The following UBL3 variants were observed in gnomAD, a reference collection of about 807,000 sequenced individuals.
UBL3 encodes ubiquitin-like protein 3.
Under a neutral mutation model 18.4 loss-of-function variants are expected in UBL3, and 6 were observed. The observed-to-expected ratio is 0.33, with a 90% CI of 0.18 to 0.64. The LOEUF (loss-of-function observed/expected upper bound fraction) is 0.64, where lower values mean the gene tolerates loss of function less well. Ranked by LOEUF, UBL3 falls within the 30% of genes least tolerant of loss-of-function variation. The pLI, the probability that UBL3 is intolerant of heterozygous loss-of-function variation, is 0.76. For missense variants in UBL3, 109 were observed against 142.9 expected (o/e 0.76, Z 1.21); for synonymous variants, 49 against 46.6 (o/e 1.05, Z -0.21).
At chr13:29,843,509 A>C (rs1461031384) in intron 1 of UBL3, among the ~76,000 whole-genome samples, 2 of 152,200 alleles carry the variant, frequency 1.3e-5, no homozygotes, top group African/African-American at 2.4e-5. Context: ...CTTATCTTAC[A>C]AAGATGAGAT....
chr13:29,831,716 A>G (rs1342550318), intron 1 of UBL3, among the ~76,000 whole-genome samples: 3 of 135,052 alleles, frequency 2.2e-5, no homozygotes, highest in Admixed American at 7.9e-5. Flanking sequence ...TAGAAAAAAA[A>G]AGAACGCTGA....
At chr13:29,822,974 G>T (rs1239659606) in intron 1 of UBL3, among the ~76,000 whole-genome samples, 4 of 151,980 alleles carry the variant, frequency 2.6e-5, no homozygotes, top group African/African-American at 9.7e-5. Context: ...GGAGCGTAGA[G>T]AGAAAAAACA....
intron 1 of UBL3, among the ~76,000 whole-genome samples, chr13:29,804,446 A>G (rs1222474758): frequency 6.6e-6 from 1 of 152,156 alleles, no homozygotes; most frequent in Non-Finnish European, 1.5e-5. Context: ...TAAGCCCAAA[A>G]CTAGCCGAAG....
chr13:29,793,399 C>A (rs1470256843), intron 1 of UBL3, among the ~76,000 whole-genome samples: 1 of 151,930 alleles, frequency 6.6e-6, no homozygotes, highest in Non-Finnish European at 1.5e-5. Context: ...ATATTTTTTG[C>A]AAATTTAGAA....
At chr13:29,778,819 T>C (rs563343497) in intron 1 of UBL3, among the ~76,000 whole-genome samples, 27 of 152,360 alleles carry the variant, frequency 1.8e-4, no homozygotes, top group African/African-American at 6.0e-4. Context: ...TACACATTTC[T>C]GGATTCAATG....
At chr13:29,783,835 T>C (rs1262833550) in intron 1 of UBL3, among the ~76,000 whole-genome samples, 1 of 152,140 alleles carries the variant, frequency 6.6e-6, no homozygotes, top group Admixed American at 6.5e-5. Context: ...ATAAGACTTA[T>C]TTACAGCTTA....
intron 2 of UBL3, among the ~76,000 whole-genome samples, chr13:29,772,870 G>A (rs534949078): frequency 6.6e-6 from 1 of 152,058 alleles, no homozygotes; most frequent in East Asian, 1.9e-4. Context: ...AAGACAAACT[G>A]GTAGGCAGAA....
intron 1 of UBL3, among the ~76,000 whole-genome samples, chr13:29,797,167 T>C (rs17073893): frequency 0.017 from 2,624 of 152,292 alleles, 86 homozygotes; most frequent in African/African-American, 0.059. Context: ...TATTTTAGTA[T>C]CAGTTTTCTG....
intron 4 of UBL3, 140 bp downstream of exon 4, chr13:29,767,478 A>T: frequency 1.7e-6 from 2 of 1,178,626 alleles, no homozygotes; most frequent in South Asian, 1.5e-5. Flanking sequence ...TGTTTCAAAA[A>T]TGTCTGGTTA....
chr13:29,778,159 T>G (rs1321434855), intron 1 of UBL3, among the ~76,000 whole-genome samples: 1 of 152,156 alleles, frequency 6.6e-6, no homozygotes, highest in Non-Finnish European at 1.5e-5. Flanking sequence ...CATATATTTT[T>G]TAGGGGGAGT....
intron 1 of UBL3, 100 bp downstream of exon 1, chr13:29,849,412 A>G: frequency 3.2e-6 from 5 of 1,550,098 alleles, no homozygotes; most frequent in Non-Finnish European, 4.4e-6. Flanking sequence ...TGGCTTTTCG[A>G]CAGTCCCCAG....
At chr13:29,780,781 A>T (rs1441271412) in intron 1 of UBL3, among the ~76,000 whole-genome samples, 1 of 152,144 alleles carries the variant, frequency 6.6e-6, no homozygotes, top group Non-Finnish European at 1.5e-5. Flanking sequence ...ATTCCATATA[A>T]AGAGATCAGG....
chr13:29,820,461 C>G (rs1171624152), intron 1 of UBL3, among the ~76,000 whole-genome samples: 1 of 152,146 alleles, frequency 6.6e-6, no homozygotes. Context: ...CAGGAGTGAG[C>G]CACCATGCCT....
chr13:29,833,942 C>A (rs1878851030), intron 1 of UBL3, among the ~76,000 whole-genome samples: 2 of 152,132 alleles, frequency 1.3e-5, no homozygotes, highest in African/African-American at 4.8e-5. Context: ...AATCTCAGCA[C>A]TTTGGGAGGC....
intron 1 of UBL3, among the ~76,000 whole-genome samples, chr13:29,834,365 G>A (rs750001685): frequency 6.6e-6 from 1 of 151,750 alleles, no homozygotes; most frequent in African/African-American, 2.4e-5. Context: ...CTTCATATAT[G>A]ACATAATATA....
chr13:29,768,523 C>A (rs1481368296), intron 3 of UBL3, among the ~76,000 whole-genome samples: 3 of 152,144 alleles, frequency 2.0e-5, no homozygotes, highest in South Asian at 2.1e-4. Flanking sequence ...GGCCTAAGAT[C>A]ATCACTTAGC....
intron 1 of UBL3, among the ~76,000 whole-genome samples, chr13:29,833,016 C>T (rs1241146962): frequency 6.6e-6 from 1 of 152,152 alleles, no homozygotes; most frequent in African/African-American, 2.4e-5. Context: ...AGATTATGGA[C>T]AAGCAGGGGT....
intron 1 of UBL3, among the ~76,000 whole-genome samples, chr13:29,814,465 A>G (rs74044754): frequency 6.6e-6 from 1 of 151,996 alleles, no homozygotes; most frequent in South Asian, 2.1e-4. Flanking sequence ...TATAATAAAA[A>G]ATAATAAAAA....
chr13:29,829,549 TA>T (rs1878716850), intron 1 of UBL3, among the ~76,000 whole-genome samples: 1 of 152,166 alleles, frequency 6.6e-6, no homozygotes, highest in Non-Finnish European at 1.5e-5. Context: ...AACACAGTAT[TA>T]GGGTGGGAGT....
Sources: allele counts gnomAD v4.1 joint callset (sites outside exome capture counted in the v4.1 genomes callset), GRCh38; gene constraint gnomAD v4.1.1; transcripts MANE v1.5; gene names NCBI Gene and HGNC (gene_info 2026-07-23, HGNC 2026-07-21).